The following CORO1C variants were observed in gnomAD, a reference collection of about 807,000 sequenced individuals.
CORO1C encodes the protein coronin-1C.
CORO1C carries 14 observed loss-of-function variants against 51.2 expected under a neutral mutation model. The ratio of observed to expected loss-of-function variants is 0.27; its 90% CI spans 0.18 to 0.43. The LOEUF (loss-of-function observed/expected upper bound fraction) is 0.43. Among genes scored for constraint, CORO1C ranks in the 20% least tolerant of loss-of-function variants. The pLI, the probability that CORO1C is intolerant of heterozygous loss-of-function variation, is 1.00. For synonymous variants in CORO1C, 181 were observed against 210.5 expected (o/e 0.86, Z 1.21); for missense variants, 417 against 607.8 (o/e 0.69, Z 3.30).
chr12:108,690,065 C>A, intron 2 of CORO1C, among the ~76,000 whole-genome samples: 1 of 152,094 alleles, frequency 6.6e-6, no homozygotes, highest in East Asian at 1.9e-4. Flanking sequence ...ATTTCTTAAG[C>A]CCCTGCTGCT....
chr12:108,693,731 G>A (rs532341883), intron 2 of CORO1C, among the ~76,000 whole-genome samples: 43 of 152,290 alleles, frequency 2.8e-4, no homozygotes, highest in Non-Finnish European at 5.3e-4. Context: ...AAGGAGGAAT[G>A]TGCCTACCAC....
intron 3 of CORO1C, among the ~76,000 whole-genome samples, chr12:108,669,567 T>C (rs895655665): frequency 2.6e-5 from 4 of 151,652 alleles, no homozygotes; most frequent in Non-Finnish European, 5.9e-5. Flanking sequence ...ATCTCCTTGA[T>C]ATCCTTCTTC....
intron 1 of CORO1C, among the ~76,000 whole-genome samples, chr12:108,713,742 T>C (rs1277928940): frequency 1.3e-5 from 2 of 152,174 alleles, no homozygotes; most frequent in Non-Finnish European, 2.9e-5. Context: ...AGTTCCAACT[T>C]TTCAGCCCAT....
At chr12:108,719,434 G>A (rs1262122414) in intron 1 of CORO1C, among the ~76,000 whole-genome samples, 16 of 152,208 alleles carry the variant, frequency 1.1e-4, no homozygotes, top group Admixed American at 9.8e-4. Flanking sequence ...TCAGACTTTA[G>A]TATGTATAAA....
intron 8 of CORO1C, among the ~76,000 whole-genome samples, chr12:108,650,180 CTTTTTTTT>C (rs1057367204): frequency 2.5e-5 from 2 of 80,444 alleles, no homozygotes; most frequent in Admixed American, 1.9e-4. Flanking sequence ...AACCAAAAAC[CTTTTTTTT>C]TTTTTTTTTT....
chr12:108,694,157 C>T (rs1016399502), intron 2 of CORO1C, among the ~76,000 whole-genome samples: 1 of 151,912 alleles, frequency 6.6e-6, no homozygotes, highest in Non-Finnish European at 1.5e-5. Flanking sequence ...TGGTACACAC[C>T]CGTAGTCCCA....
Position 108,648,674 on chromosome 12 carries a change from G to T in CORO1C, c.1236C>A (p.Ser412Arg). The stretch of plus-strand genomic sequence containing the variant: ...CGCACTTCTTGTTTGCAGTGGGCTT[G>T]CTATCCAGAATGTTCTTCTTGACCA... The part of the protein sequence containing the change: ...LKVVKKNILD[S>R]KPTANKKCDL... Residue 412 changes from serine to arginine, a missense_variant, in exon 10 of 11, where the codon AGC (serine) becomes AGA (arginine). Physicochemically the swap from Ser to Arg is moderately radical, Grantham distance 110. Transcript: ENST00000261401. The T allele has an allele frequency of 6.2e-7, 1 of 1,614,186 alleles. No homozygotes were observed. The highest frequency in any genetic ancestry group is 8.5e-7 in the Non-Finnish European group (1 of 1,180,038).
In CORO1C at chr12:108,649,016, A is replaced by G. The variant is rs1400881928; in HGVS notation, c.1006T>C (p.Phe336Leu). 1.1e-5 allele frequency: 18 copies of G among 1,614,074 alleles called. No individual in the cohort carries two copies. The South Asian group carries it at 2.0e-4, about 18-fold the overall frequency. Reference protein sequence around the residue: ...DVNKCEIARFFKLHERKCEPI... With the variant: ...DVNKCEIARFLKLHERKCEPI... ...TCACACTTTCTCTCATGAAGTTTGA[A>G]GAATCTTCAGAGGGGAAATAAAGGC... Residue 336 changes from phenylalanine (F) to leucine (L), a missense_variant, in exon 9 of 11, where the codon TTC (phenylalanine) becomes CTC (leucine). By Grantham distance (22) the Phe-to-Leu change is conservative. Coordinates refer to ENST00000261401, the MANE Select transcript of CORO1C (RefSeq NM_014325.4).
intron 6 of CORO1C, among the ~76,000 whole-genome samples, chr12:108,655,412 TC>T (rs1373325782): frequency 6.8e-6 from 1 of 147,842 alleles, no homozygotes; most frequent in African/African-American, 2.5e-5. Context: ...TCCCTCTCTT[TC>T]CACGCTCTCC....
intron 1 of CORO1C, chr12:108,730,223 T>C (rs578002269): frequency 6.6e-6 from 1 of 152,336 alleles, no homozygotes; most frequent in East Asian, 1.9e-4. Context: ...GCAAGCACTT[T>C]AGACACCACA....
intron 2 of CORO1C, among the ~76,000 whole-genome samples, chr12:108,684,940 T>G (rs2034246855): frequency 6.6e-6 from 1 of 152,204 alleles, no homozygotes; most frequent in Non-Finnish European, 1.5e-5. Flanking sequence ...TCAGGGTCTT[T>G]GCATTCCTAG....
chr12:108,648,071 G>C (rs2032454049), intron 10 of CORO1C, among the ~76,000 whole-genome samples: 1 of 152,106 alleles, frequency 6.6e-6, no homozygotes, highest in Non-Finnish European at 1.5e-5. Context: ...TCAAAGGCAG[G>C]CTTGATTCCC....
intron 6 of CORO1C, among the ~76,000 whole-genome samples, chr12:108,655,748 C>T (rs967017751): frequency 7.2e-5 from 11 of 152,314 alleles, no homozygotes; most frequent in Non-Finnish European, 1.6e-4. Flanking sequence ...ACCTCCCAGC[C>T]GCCTGCCTTG....
intron 2 of CORO1C, among the ~76,000 whole-genome samples, chr12:108,684,376 G>GT (rs1388982245): frequency 3.3e-5 from 5 of 152,218 alleles, no homozygotes; most frequent in Admixed American, 1.3e-4. Flanking sequence ...GAGCAATTTG[G>GT]TAACAGGTAG....
intron 2 of CORO1C, among the ~76,000 whole-genome samples, chr12:108,690,883 T>A (rs778420492): frequency 1.2e-4 from 18 of 152,108 alleles, no homozygotes; most frequent in Non-Finnish European, 2.4e-4. Flanking sequence ...CAATATCAAA[T>A]CAGAAAATAG....
At chr12:108,715,988 A>T (rs778941906) in intron 1 of CORO1C, among the ~76,000 whole-genome samples, 26 of 151,782 alleles carry the variant, frequency 1.7e-4, no homozygotes, top group Non-Finnish European at 3.4e-4. Context: ...AAAATTGGCC[A>T]GGCGTGGTGG....
intron 2 of CORO1C, among the ~76,000 whole-genome samples, chr12:108,693,843 G>GAAA (rs376097106): frequency 6.9e-6 from 1 of 144,976 alleles, no homozygotes; most frequent in African/African-American, 2.5e-5. Context: ...CTACGCAGAG[G>GAAA]AAAAAAAAAA....
In CORO1C at chr12:108,731,061, C is replaced by T. The variant is rs2035712656; in HGVS notation, c.-6+368G>A. 1 of 153,494 alleles carries T rather than the reference C, an allele frequency of 6.5e-6. No individual in the cohort carries two copies. 9.5% of individuals were successfully genotyped at this position (153,494 alleles called of 1,614,324 possible). A position where few individuals can be genotyped will look rare whatever the true frequency, so the allele number is the denominator to read the frequency against. On this transcript the variant is annotated intron_variant, in intron 1 of 10. Transcript: ENST00000261401. The surrounding 1 kb of genome is among the most constrained non-coding windows in gnomAD (Gnocchi z 5.2). ...CCAGCACCTCGCCCAAGCAGGCGAT[C>T]CCTGACCCCTAAAAGCCTTCCCTGG...
chr12:108,667,232 TACTA>T (rs1362810866), intron 3 of CORO1C, among the ~76,000 whole-genome samples: 1 of 152,228 alleles, frequency 6.6e-6, no homozygotes, highest in Non-Finnish European at 1.5e-5. Flanking sequence ...AATTAATTAA[TACTA>T]ACTAATTTAC....
Sources: allele counts gnomAD v4.1 joint callset (sites outside exome capture counted in the v4.1 genomes callset), GRCh38; gene constraint gnomAD v4.1.1; non-coding constraint Gnocchi (gnomAD v3.1); transcripts MANE v1.5; gene names NCBI Gene and HGNC (gene_info 2026-07-23, HGNC 2026-07-21).